The following RRP36 variants were observed in gnomAD, a reference collection of about 807,000 sequenced individuals.
The protein encoded by RRP36 is ribosomal RNA processing protein 36 homolog.
In RRP36, 44 loss-of-function variants were observed where a neutral mutation model predicts 39.8. That is an observed-to-expected ratio of 1.10 (90% CI 0.87 to 1.42). RRP36 has a LOEUF of 1.42. Ranked by LOEUF, RRP36 falls within the 40% of genes most tolerant of loss-of-function variation. RRP36 has a pLI of 0.00. For synonymous variants in RRP36, 124 were observed against 123.1 expected, an observed-to-expected ratio of 1.01 and a Z score of -0.05; for missense variants, 316 against 322.4, an observed-to-expected ratio of 0.98 and a Z score of 0.15.
Position 43,025,287 on chromosome 6 carries a change from C to G in RRP36, c.303C>G (p.Ile101Met). The G allele has an allele frequency of 3.1e-6, 5 of 1,614,084 alleles. No homozygotes were observed. The highest frequency in any genetic ancestry group is 4.2e-6 in the Non-Finnish European group (5 of 1,180,026). The change falls in exon 3 of 7, where the codon ATC (isoleucine) becomes ATG (methionine). Residue 101 changes from isoleucine (I) to methionine (M), a missense_variant. By Grantham distance (10) the Ile-to-Met change is conservative. Transcript: ENST00000244496. The part of the protein sequence containing the change: ...KHRPLEMSAK[I>M]RVPFLRQVVP... Reference sequence around the variant, plus strand: ...GGCCTCTGGAAATGTCAGCCAAGATCCGAGTACCATTTTTACGTCAGGTTG... The same window carrying G: ...GGCCTCTGGAAATGTCAGCCAAGATGCGAGTACCATTTTTACGTCAGGTTG...
intron 4 of RRP36, 102 bp from the exon 5 acceptor site, chr6:43,027,076 G>GTGTGTGTGTA: frequency 1.0e-6 from 1 of 983,074 alleles, no homozygotes; most frequent in South Asian, 1.5e-5. Context: ...AAAAAAATGT[G>GTGTGTGTGTA]TGTGTGTGTA....
In RRP36 at chr6:43,025,090, C is replaced by G. The variant is rs553943818; in HGVS notation, c.236C>G (p.Ser79Cys). 1.1e-5 allele frequency: 18 copies of G among 1,614,180 alleles called. 1 individual carries two copies. In the South Asian group the frequency reaches 1.9e-4, roughly 17 times the overall value. The part of the protein sequence containing the change: ...VAGNSPKKQA[S>C]RPPIQNACVA... ...GGAAATAGTCCTAAGAAACAAGCTT[C>G]TAGACCACCTATCCAAAATGCATGT... The change falls in exon 2 of 7, where the codon TCT becomes TGT. Residue 79 changes from serine to cysteine, a missense_variant. Ser to Cys is a moderately radical substitution (Grantham distance 112). Transcript: ENST00000244496.
At chr6:43,023,847 G>A (rs986302708) in intron 1 of RRP36, among the ~76,000 whole-genome samples, 1 of 150,584 alleles carries the variant, frequency 6.6e-6, no homozygotes, top group Non-Finnish European at 1.5e-5. Context: ...ATAAAGCTTA[G>A]GAGAGGTTGC....
At chr6:43,026,909 A>AT (rs1389385194) in intron 4 of RRP36, among the ~76,000 whole-genome samples, 1 of 150,902 alleles carries the variant, frequency 6.6e-6, no homozygotes, top group African/African-American at 2.5e-5. Flanking sequence ...CTAAAATAAA[A>AT]AAAAAAATTA....
Position 43,029,444 on chromosome 6 carries a change from T to G in RRP36, c.*216T>G, listed in dbSNP as rs1762874231. On this transcript the variant is annotated 3_prime_UTR_variant, in exon 7 of 7. Coordinates refer to ENST00000244496, the MANE Select transcript of RRP36 (RefSeq NM_033112.4). ...CCACACAGCCTCAGCTTGAATCTGG[T>G]TCATTGCGTCCTCGTGTTCTTCTCT... The G allele has an allele frequency of 6.2e-6, 3 of 484,270 alleles. No individual in the cohort carries two copies. The highest frequency in any genetic ancestry group is 4.2e-5 in the South Asian group (1 of 23,970). 30.0% of individuals were successfully genotyped at this position (484,270 alleles called of 1,614,324 possible). A position where few individuals can be genotyped will look rare whatever the true frequency, so the allele number is the denominator to read the frequency against.
intron 1 of RRP36, 54 bp downstream of exon 1, chr6:43,021,838 GC>G: frequency 1.7e-6 from 2 of 1,185,596 alleles, no homozygotes; most frequent in Non-Finnish European, 2.1e-6. Flanking sequence ...CCCAGGCGGG[GC>G]CCTGAGCCTG....
chr6:43,025,337 A>G lies in RRP36; in HGVS notation c.345+8A>G, dbSNP rs770508903. 1.2e-6 allele frequency: 2 copies of G among 1,612,560 alleles called. No individual in the cohort carries two copies. Among genetic ancestry groups the G allele is most frequent in the African/African-American group, 2.7e-5 (2 of 74,902 alleles). On this transcript the variant is annotated splice_region_variant and intron_variant, in intron 3 of 6. Transcript: ENST00000244496. ...GTTCCCATTAGTAAAAAGGTAAGGA[A>G]GAAGGCCAGGCACTGTGGCTCACGC...
chr6:43,025,763 C>T (rs992060799), intron 3 of RRP36, among the ~76,000 whole-genome samples: 1 of 150,504 alleles, frequency 6.6e-6, no homozygotes, highest in African/African-American at 2.5e-5. Flanking sequence ...AACCCCGTCT[C>T]TACTAAAAAT....
intron 6 of RRP36, among the ~76,000 whole-genome samples, chr6:43,028,854 G>A (rs1414604036): frequency 1.3e-5 from 2 of 152,236 alleles, no homozygotes; most frequent in African/African-American, 2.4e-5. Context: ...TCCGGAGGCT[G>A]AGGCAGGAGA....
rs185512038 is a variant in RRP36 at position 43,022,314 on chromosome 6, G to T, written c.130+530G>T. On this transcript the variant is annotated intron_variant, in intron 1 of 6. Coordinates refer to ENST00000244496, the MANE Select transcript of RRP36 (RefSeq NM_033112.4). ...GGGGTCTCACCTTGTTAGCCAGGATGGTCTCGATCTCCTGACCTCGTGATC... is the reference window on the plus strand; with the variant it reads ...GGGGTCTCACCTTGTTAGCCAGGATTGTCTCGATCTCCTGACCTCGTGATC... Among the ~76,000 whole-genome samples the T allele has an allele frequency of 1.5e-3, 235 of 152,124 alleles. 2 individuals carry two copies. Among genetic ancestry groups the T allele is most frequent in the Admixed American group, 0.013 (206 of 15,282 alleles).
chr6:43,021,907 G>A (rs1336131885), intron 1 of RRP36, 123 bp downstream of exon 1: 1 of 674,168 alleles, frequency 1.5e-6, no homozygotes, highest in African/African-American at 2.1e-5. Context: ...TACACTAGGG[G>A]TGCCCCCAGT....
intron 1 of RRP36, among the ~76,000 whole-genome samples, chr6:43,022,886 C>T (rs1400437364): frequency 2.0e-5 from 3 of 152,056 alleles, no homozygotes; most frequent in Non-Finnish European, 4.4e-5. Flanking sequence ...CCGCCTCGGC[C>T]TCCCAAAGTG....
intron 6 of RRP36, among the ~76,000 whole-genome samples, chr6:43,027,794 C>CACACACAA (rs1762844076): frequency 3.8e-5 from 5 of 130,236 alleles, no homozygotes; most frequent in Admixed American, 2.4e-4. Context: ...CACACACACA[C>CACACACAA]ACACAAACAC....
At chr6:43,023,750 A>G (rs1014894341) in intron 1 of RRP36, among the ~76,000 whole-genome samples, 1 of 152,048 alleles carries the variant, frequency 6.6e-6, no homozygotes, top group African/African-American at 2.4e-5. Context: ...GCAATAAAAC[A>G]CTGAATTGTA....
At chr6:43,024,836 C>T (rs538674119) in intron 1 of RRP36, 149 bp from the exon 2 acceptor site, 4 of 955,254 alleles carry the variant, frequency 4.2e-6, no homozygotes, top group Non-Finnish European at 4.6e-6. Flanking sequence ...GAGTTTAACA[C>T]TATCACAGCC....
intron 1 of RRP36, among the ~76,000 whole-genome samples, chr6:43,023,382 G>C (rs933695952): frequency 6.7e-6 from 1 of 149,774 alleles, no homozygotes; most frequent in African/African-American, 2.5e-5. Flanking sequence ...CTGGGCAACA[G>C]AGCAAGACCT....
At chr6:43,028,174 TA>T (rs1221424653) in intron 6 of RRP36, among the ~76,000 whole-genome samples, 2 of 146,746 alleles carry the variant, frequency 1.4e-5, no homozygotes, top group East Asian at 2.1e-4. Context: ...ACTAAAGATA[TA>T]AAAAAATTAG....
chr6:43,027,327 C>T (rs1207908077), intron 5 of RRP36, 33 bp from the exon 6 acceptor site: 1 of 1,610,768 alleles, frequency 6.2e-7, no homozygotes, highest in Non-Finnish European at 8.5e-7. Flanking sequence ...GAACAGATCC[C>T]TCCCGTTCAC....
Position 43,027,202 on chromosome 6 carries a change from C to T in RRP36, c.475C>T (p.His159Tyr). The T allele has an allele frequency of 1.2e-6, 2 of 1,614,162 alleles. No individual in the cohort carries two copies. The highest frequency in any genetic ancestry group is 1.3e-5 in the African/African-American group (1 of 75,064). ...KELVKKQLKK[H>Y]LSGEEHEKLQ... is the part of the protein sequence containing the mutation. ...GCTTGTGAAAAAACAGTTGAAGAAG[C>T]ACCTTTCAGGAGAGGAGCATGAGAA... Residue 159 changes from histidine to tyrosine, a missense_variant, in exon 5 of 7, where the codon CAC (histidine) becomes TAC (tyrosine). Transcript: ENST00000244496.
Sources: allele counts gnomAD v4.1 joint callset (sites outside exome capture counted in the v4.1 genomes callset), GRCh38; gene constraint gnomAD v4.1.1; transcripts MANE v1.5; gene names NCBI Gene and HGNC (gene_info 2026-07-23, HGNC 2026-07-21).